Variants in MYH14 observed in about 807,000 individuals in gnomAD.
MYH14 encodes the protein myosin-14.
MYH14 carries 123 observed loss-of-function variants against 255.5 expected under a neutral mutation model. The ratio of observed to expected loss-of-function variants is 0.48; its 90% CI spans 0.42 to 0.56. The LOEUF is 0.56. MYH14 is among the 20% of genes least tolerant of loss of function. The pLI is 0.00. For synonymous variants in MYH14, 1,095 were observed against 1,161.2 expected (o/e 0.94, Z 1.16); for missense variants, 2,423 against 2,802.3 (o/e 0.86, Z 3.06).
intron 10 of MYH14, among the ~76,000 whole-genome samples, chr19:50,235,293 G>A (rs2033609388): frequency 6.6e-6 from 1 of 151,822 alleles, no homozygotes; most frequent in Admixed American, 6.6e-5. Context: ...GGGAGGCAGA[G>A]GTTGCAGTGA....
rs1292671237 is a variant in MYH14, at chr19:50,250,318, G to A, written c.1657-197G>A. ...GGGTTTCACTGTGTTAGCCAGGATG[G>A]TCTCGATCTCCTGACCTCGTGATCT... On this transcript the variant is annotated intron_variant, in intron 14 of 42. Coordinates refer to ENST00000642316, the MANE Select transcript of MYH14 (RefSeq NM_001145809.2). The surrounding 1 kb of genome is among the most constrained non-coding windows in gnomAD (Gnocchi z 5.4). Among the ~76,000 whole-genome samples the A allele has an allele frequency of 1.4e-5, 2 of 143,516 alleles. No individual in the cohort carries two copies. The highest frequency in any genetic ancestry group is 2.6e-5 in the African/African-American group (1 of 39,190). 94.2% of individuals were successfully genotyped at this position (143,516 alleles called of 152,430 possible). A position where few individuals can be genotyped will look rare whatever the true frequency, so the allele number is the denominator to read the frequency against.
Position 50,272,557 on chromosome 19 carries a change from C to T in MYH14, c.3296-3C>T. On this transcript the variant is annotated splice_polypyrimidine_tract_variant and splice_region_variant and intron_variant, in intron 26 of 42. Coordinates refer to ENST00000642316, the MANE Select transcript of MYH14 (RefSeq NM_001145809.2). ...CATGCACGGCCCCCACCCCTGCCTC[C>T]AGACCGCCTACGGAAGGAGGAGAAG... 1.3e-6 allele frequency: 2 copies of T among 1,565,226 alleles called. No homozygotes were observed. Among genetic ancestry groups the T allele is most frequent in the Non-Finnish European group, 1.7e-6 (2 of 1,155,282 alleles).
At chr19:50,241,727 C>T (rs778897852) in intron 10 of MYH14, among the ~76,000 whole-genome samples, 30 of 151,674 alleles carry the variant, frequency 2.0e-4, no homozygotes, top group Non-Finnish European at 3.8e-4. Context: ...ACTGCAGCCT[C>T]GACTTTCCAG....
rs1250619367 is a variant in MYH14 at position 50,310,399 on chromosome 19, CCT to C, written c.*613_*614del. On this transcript the variant is annotated 3_prime_UTR_variant, in exon 43 of 43. Coordinates refer to ENST00000642316, the MANE Select transcript of MYH14 (RefSeq NM_001145809.2). Reference sequence around the variant, plus strand: ...TGCAAAGGGGCAGGACAAGGGGACCCCTCTCACTCCTGCTGCTGCCCATGCTC... The same window carrying C: ...TGCAAAGGGGCAGGACAAGGGGACCCCTCACTCCTGCTGCTGCCCATGCTC... 6.5e-6 allele frequency: 1 copy of C among 154,834 alleles called. No individual in the cohort carries two copies. The highest frequency in any genetic ancestry group is 2.4e-5 in the African/African-American group (1 of 41,466). 9.6% of individuals were successfully genotyped at this position (154,834 alleles called of 1,614,324 possible).
chr19:50,278,021 G>A, intron 29 of MYH14, 62 bp from the exon 30 acceptor site: 2 of 1,312,070 alleles, frequency 1.5e-6, no homozygotes, highest in Non-Finnish European at 2.0e-6. Flanking sequence ...TGAGATGGGA[G>A]TGTGCCTGGC....
chr19:50,261,794 C>G (rs1209451986), intron 21 of MYH14, among the ~76,000 whole-genome samples, 159 bp downstream of exon 21: 1 of 151,958 alleles, frequency 6.6e-6, no homozygotes, highest in Non-Finnish European at 1.5e-5. Flanking sequence ...GTTCTGCAGT[C>G]CCTGAGGGGC....
At chr19:50,278,963 G>C (rs2035614647) in intron 30 of MYH14, among the ~76,000 whole-genome samples, 1 of 152,116 alleles carries the variant, frequency 6.6e-6, no homozygotes, top group South Asian at 2.1e-4. Context: ...GTTCCAGCCT[G>C]GGCAGCGAGA....
intron 19 of MYH14, among the ~76,000 whole-genome samples, chr19:50,260,311 G>A (rs574626565): frequency 1.3e-5 from 2 of 152,186 alleles, no homozygotes; most frequent in Non-Finnish European, 2.9e-5. Flanking sequence ...CTGAATCCCA[G>A]CTACCTGGTA....
At position 50,286,678 on chromosome 19, in the gene MYH14, A is replaced by T; in HGVS notation, c.4736A>T (p.Asp1579Val). ...CTGGAGGCACTGCTGAGCAGCAAGGATGACGTCGGCAAGAGCGTGAGCAGG... is the reference window on the plus strand; with the variant it reads ...CTGGAGGCACTGCTGAGCAGCAAGGTTGACGTCGGCAAGAGCGTGAGCAGG... The part of the protein sequence containing the change: ...AELEALLSSK[D>V]DVGKSVHELE... Residue 1579 changes from aspartate to valine, a missense_variant, in exon 34 of 43, where the codon GAT becomes GTT. Coordinates refer to ENST00000642316, the MANE Select transcript of MYH14 (RefSeq NM_001145809.2). 6.3e-7 allele frequency: 1 copy of T among 1,576,560 alleles called. No homozygotes were observed.
In MYH14 at chr19:50,260,760, TGCGTGCATGA is replaced by T. The variant is rs759060740; in HGVS notation, c.2424+47_2424+56del. The T allele has an allele frequency of 6.1e-4, 799 of 1,311,806 alleles. 7 individuals are homozygous for T. The African/African-American group carries it at 9.8e-3, about 16-fold the overall frequency. 81.3% of individuals were successfully genotyped at this position (1,311,806 alleles called of 1,614,324 possible). Reference sequence around the variant, plus strand: ...GAATGCGTGTGTGCGTGTGTGTGTGTGCGTGCATGAGTGTGCGTGCATGTGTGTGTGCATG... The same window carrying T: ...GAATGCGTGTGTGCGTGTGTGTGTGTGTGTGCGTGCATGTGTGTGTGCATG... On this transcript the variant is annotated intron_variant, in intron 20 of 42. Transcript: ENST00000642316.
Position 50,252,670 on chromosome 19 carries a change from A to G in MYH14, c.1862A>G (p.Lys621Arg), listed in dbSNP as rs1330127929. Residue 621 changes from lysine (K) to arginine (R), a missense_variant, in exon 16 of 43, where the codon AAA becomes AGA. Around this residue, in one of 3 missense-constraint regions of MYH14, gnomAD observed 672 missense variants for 881.8 expected, o/e 0.76. Coordinates refer to ENST00000642316, the MANE Select transcript of MYH14 (RefSeq NM_001145809.2). The surrounding 1 kb of genome is among the most constrained non-coding windows in gnomAD (Gnocchi z 4.2). ...VDYKANEWLMKNMDPLNDNVA... is the reference protein window; with the variant it reads ...VDYKANEWLMRNMDPLNDNVA... The stretch of plus-strand genomic sequence containing the variant: ...TACAAGGCCAACGAGTGGCTGATGA[A>G]AAACATGGACCCTCTGAATGACAAC... 1 of 1,600,366 alleles carries G rather than the reference A, an allele frequency of 6.2e-7. No individual in the cohort carries two copies. Among genetic ancestry groups the G allele is most frequent in the Non-Finnish European group, 8.5e-7 (1 of 1,173,872 alleles).
At chr19:50,303,071 G>A (rs148744640) in intron 40 of MYH14, among the ~76,000 whole-genome samples, 23 of 152,254 alleles carry the variant, frequency 1.5e-4, no homozygotes, top group African/African-American at 5.5e-4. Context: ...GTTAGTTATA[G>A]CTGAATTACA....
intron 30 of MYH14, among the ~76,000 whole-genome samples, chr19:50,278,812 T>TAAA (rs10605117): frequency 7.6e-6 from 1 of 132,004 alleles, no homozygotes. Flanking sequence ...CTGTCTCTAC[T>TAAA]AAAAAAAAAA....
chr19:50,290,776 C>A, intron 35 of MYH14, 111 bp from the exon 36 acceptor site: 2 of 1,123,524 alleles, frequency 1.8e-6, no homozygotes, highest in Non-Finnish European at 2.5e-6. Context: ...GTGAGAGGAG[C>A]GGGGCTTGCA....
intron 7 of MYH14, among the ~76,000 whole-genome samples, chr19:50,226,699 G>T (rs1040093184): frequency 6.6e-6 from 1 of 152,146 alleles, no homozygotes; most frequent in Admixed American, 6.5e-5. Flanking sequence ...GCTGGGGAAA[G>T]AAGTCCAAGG....
intron 3 of MYH14, among the ~76,000 whole-genome samples, chr19:50,219,067 T>C (rs1041279798): frequency 1.4e-5 from 2 of 142,910 alleles, no homozygotes; most frequent in Admixed American, 1.4e-4. Context: ...TATATATATA[T>C]ATGAGTATTC....
At chr19:50,298,997 C>T (rs541360677) in intron 39 of MYH14, among the ~76,000 whole-genome samples, 46 of 151,114 alleles carry the variant, frequency 3.0e-4, no homozygotes, top group Non-Finnish European at 4.7e-4. Context: ...AGGCTGAGGC[C>T]GGAGAATCGC....
chr19:50,246,125 T>TTCCTTCCC (rs1386725457), intron 11 of MYH14, among the ~76,000 whole-genome samples: 1 of 121,050 alleles, frequency 8.3e-6, no homozygotes, highest in East Asian at 3.0e-4. Flanking sequence ...CCTTCCTTCC[T>TTCCTTCCC]TCCTTCCCTC....
At chr19:50,272,979 C>T (rs938114565) in intron 27 of MYH14, among the ~76,000 whole-genome samples, 12 of 152,092 alleles carry the variant, frequency 7.9e-5, no homozygotes, top group Admixed American at 5.9e-4. Context: ...CATAACAGTG[C>T]ACAATGGGAA....
Sources: allele counts gnomAD v4.1 joint callset (sites outside exome capture counted in the v4.1 genomes callset), GRCh38; gene constraint gnomAD v4.1.1; regional missense constraint gnomAD v4.1.1; non-coding constraint Gnocchi (gnomAD v3.1); transcripts MANE v1.5; gene names NCBI Gene and HGNC (gene_info 2026-07-23, HGNC 2026-07-21).